The following CAPZA2 variants were observed in gnomAD, a reference collection of about 807,000 sequenced individuals.
CAPZA2 encodes F-actin-capping protein subunit alpha-2.
Under a neutral mutation model 44.0 loss-of-function variants are expected in CAPZA2, and 13 were observed. The ratio of observed to expected loss-of-function variants is 0.30; its 90% CI spans 0.19 to 0.47. The LOEUF (loss-of-function observed/expected upper bound fraction) is 0.47, where lower values mean the gene tolerates loss of function less well. Ranked by LOEUF, CAPZA2 falls within the 20% of genes least tolerant of loss-of-function variation. The probability of loss-of-function intolerance (pLI) is 1.00; values close to 1 mark genes in which losing one functional copy is unlikely to be tolerated. For synonymous variants in CAPZA2, 94 were observed against 108.2 expected, an observed-to-expected ratio of 0.87 and a Z score of 0.81; for missense variants, 244 against 338.6, an observed-to-expected ratio of 0.72 and a Z score of 2.19.
intron 1 of CAPZA2, among the ~76,000 whole-genome samples, chr7:116,863,338 C>T (rs1029461783): frequency 1.6e-4 from 25 of 152,184 alleles, no homozygotes; most frequent in Non-Finnish European, 1.0e-4. Context: ...AAGACGACCC[C>T]CTCCCCATAG....
At chr7:116,870,187 A>G (rs565743016) in intron 1 of CAPZA2, among the ~76,000 whole-genome samples, 1 of 152,344 alleles carries the variant, frequency 6.6e-6, no homozygotes, top group East Asian at 1.9e-4. Context: ...GGTAGATATA[A>G]TGCAAAACTA....
At chr7:116,890,526 AT>A (rs1276331246) in intron 2 of CAPZA2, among the ~76,000 whole-genome samples, 6,968 of 28,622 alleles carry the variant, frequency 0.24, 1,279 homozygotes, top group African/African-American at 0.51. Context: ...AAAAAAAAAA[AT>A]ATATATATAT....
chr7:116,893,045 A>G lies in CAPZA2; in HGVS notation c.155A>G (p.His52Arg), dbSNP rs759776886. ...AATCTTCTCAGGGAAGGAGCAGCCCAGTAAGTATTATTTATCATACTAACC... is the reference window on the plus strand; with the variant it reads ...AATCTTCTCAGGGAAGGAGCAGCCCGGTAAGTATTATTTATCATACTAACC... ...NDNLLREGAA[H>R]AFAQYNLDQF... Residue 52 changes from histidine to arginine, a missense_variant and splice_region_variant, in exon 3 of 10, where the codon CAT becomes CGT. His to Arg is a conservative substitution (Grantham distance 29). Coordinates refer to ENST00000361183, the MANE Select transcript of CAPZA2 (RefSeq NM_006136.3). The G allele has an allele frequency of 1.9e-6, 3 of 1,590,126 alleles. No individual in the cohort carries two copies. The highest frequency in any genetic ancestry group is 3.4e-5 in the Admixed American group (2 of 58,174).
chr7:116,908,395 G>T (rs922369129), intron 6 of CAPZA2, among the ~76,000 whole-genome samples: 4 of 152,126 alleles, frequency 2.6e-5, no homozygotes, highest in Non-Finnish European at 5.9e-5. Context: ...ATTTCTCCAG[G>T]ATCTAGCAGT....
intron 4 of CAPZA2, among the ~76,000 whole-genome samples, chr7:116,903,267 T>TGTAC (rs1272904172): frequency 6.6e-6 from 1 of 151,356 alleles, no homozygotes; most frequent in East Asian, 1.9e-4. Context: ...TGTGTGTGTG[T>TGTAC]GTGTACGTAC....
chr7:116,918,524 A>G lies in CAPZA2; in HGVS notation c.*657A>G, dbSNP rs1011321250. On this transcript the variant is annotated 3_prime_UTR_variant, in exon 10 of 10. Coordinates refer to ENST00000361183, the MANE Select transcript of CAPZA2 (RefSeq NM_006136.3). ...AATACTTATTTCAGAAATGCATTTA[A>G]TGCTTTTTTTCTTGTGACAGTTACG... 1 of 152,634 alleles carries G rather than the reference A, an allele frequency of 6.6e-6. No individual in the cohort carries two copies. Among genetic ancestry groups the G allele is most frequent in the Non-Finnish European group, 1.5e-5 (1 of 68,036 alleles). 9.5% of individuals were successfully genotyped at this position (152,634 alleles called of 1,614,324 possible).
intron 9 of CAPZA2, among the ~76,000 whole-genome samples, chr7:116,916,671 G>A (rs1791683595): frequency 6.6e-6 from 1 of 152,094 alleles, no homozygotes; most frequent in African/African-American, 2.4e-5. Context: ...TCTGAGTGCA[G>A]ATTGAGTATC....
chr7:116,880,761 C>T (rs1278459552), intron 1 of CAPZA2, among the ~76,000 whole-genome samples: 3 of 113,398 alleles, frequency 2.6e-5, no homozygotes, highest in South Asian at 6.7e-4. Flanking sequence ...GTCGCCCAGG[C>T]TGGAGTGCAG....
intron 3 of CAPZA2, among the ~76,000 whole-genome samples, chr7:116,894,469 A>G (rs1269015900): frequency 1.3e-5 from 2 of 152,156 alleles, no homozygotes; most frequent in Admixed American, 6.5e-5. Context: ...TAGAGGTTCA[A>G]CAGACTTGTG....
At chr7:116,893,086 G>T in intron 3 of CAPZA2, 41 bp downstream of exon 3, 6 of 1,308,900 alleles carry the variant, frequency 4.6e-6, no homozygotes, top group Non-Finnish European at 5.4e-6. Context: ...AAAATGACAT[G>T]GGAAAACGAG....
At chr7:116,865,177 CTTTTTTTTTTTT>C (rs1011886318) in intron 1 of CAPZA2, among the ~76,000 whole-genome samples, 2 of 87,988 alleles carry the variant, frequency 2.3e-5, no homozygotes, top group Admixed American at 1.3e-4. Context: ...GCGCTCTCTT[CTTTTTTTTTTTT>C]TTTTTTTTTT....
Position 116,912,062 on chromosome 7 carries a change from C to T in CAPZA2, c.586-7C>T. The T allele has an allele frequency of 1.2e-6, 2 of 1,611,752 alleles. No homozygotes were observed. Among genetic ancestry groups the T allele is most frequent in the Non-Finnish European group, 1.7e-6 (2 of 1,178,636 alleles). ...AATGTGGTTTCTGTAATTTCTTTTT[C>T]TAATAGGTTCATTATTATGAAGATG... On this transcript the variant is annotated splice_polypyrimidine_tract_variant and splice_region_variant and intron_variant, in intron 7 of 9. Coordinates refer to ENST00000361183, the MANE Select transcript of CAPZA2 (RefSeq NM_006136.3).
At chr7:116,884,634 G>GTAGATATACCATGGTTTA (rs1469946035) in intron 1 of CAPZA2, among the ~76,000 whole-genome samples, 5 of 152,104 alleles carry the variant, frequency 3.3e-5, no homozygotes, top group African/African-American at 9.7e-5. Context: ...ATTTCATTGT[G>GTAGATATACCATGGTTTA]TAGATATACC....
intron 1 of CAPZA2, among the ~76,000 whole-genome samples, chr7:116,872,617 A>T (rs1422234239): frequency 1.3e-5 from 2 of 152,230 alleles, no homozygotes; most frequent in Non-Finnish European, 2.9e-5. Flanking sequence ...TTTAAATGTC[A>T]TAAAGTTCAA....
In CAPZA2 at chr7:116,914,432, T is replaced by TACACACAC. The variant is rs71148345; in HGVS notation, c.658-1597_658-1590dup. Among the ~76,000 whole-genome samples the TACACACAC allele has an allele frequency of 6.5e-3, 950 of 145,216 alleles. 10 individuals carry two copies. Among genetic ancestry groups the TACACACAC allele is most frequent in the East Asian group, 0.044 (218 of 4,936 alleles). ...TAAGCTATATTTACATATACATACA[T>TACACACAC]ACACACACACACACACACACACACA... On this transcript the variant is annotated intron_variant, in intron 8 of 9. Coordinates refer to ENST00000361183, the MANE Select transcript of CAPZA2 (RefSeq NM_006136.3).
In CAPZA2 at chr7:116,882,481, T is replaced by A. The variant is rs201167587; in HGVS notation, c.40-5646T>A. Among the ~76,000 whole-genome samples, 121 of 152,246 alleles carry A rather than the reference T, an allele frequency of 7.9e-4. 1 individual carries two copies. The highest frequency in any genetic ancestry group is 2.7e-3 in the East Asian group (14 of 5,188). ...TGCTTGAAGAATTATTATTATTATT[T>A]TTTTTTACAAAAAAGTAAGCCCATA... On this transcript the variant is annotated intron_variant, in intron 1 of 9. Transcript: ENST00000361183.
chr7:116,895,345 C>T (rs1177013111), intron 3 of CAPZA2, among the ~76,000 whole-genome samples: 1 of 151,142 alleles, frequency 6.6e-6, no homozygotes, highest in Non-Finnish European at 1.5e-5. Flanking sequence ...TTTTATTTGT[C>T]CAAAGAATTA....
At chr7:116,898,424 C>T (rs528507337) in intron 3 of CAPZA2, among the ~76,000 whole-genome samples, 1 of 152,220 alleles carries the variant, frequency 6.6e-6, no homozygotes, top group East Asian at 1.9e-4. Flanking sequence ...TCTCTTACAG[C>T]ACCTAGTCTG....
chr7:116,905,355 G>A (rs866770036), intron 5 of CAPZA2, among the ~76,000 whole-genome samples: 10 of 151,916 alleles, frequency 6.6e-5, no homozygotes, highest in South Asian at 2.1e-4. Context: ...GAGATTTCCC[G>A]TTGCCTGGAC....
Sources: allele counts gnomAD v4.1 joint callset (sites outside exome capture counted in the v4.1 genomes callset), GRCh38; gene constraint gnomAD v4.1.1; transcripts MANE v1.5; gene names NCBI Gene and HGNC (gene_info 2026-07-23, HGNC 2026-07-21).